ST8SIA5: variants seen among roughly 807,000 people sequenced by gnomAD.
ST8SIA5 encodes the protein alpha-2,8-sialyltransferase 8E.
ST8SIA5 carries 24 observed loss-of-function variants against 40.2 expected under a neutral mutation model. The observed-to-expected ratio is 0.60, with a 90% CI of 0.43 to 0.84. ST8SIA5 has a LOEUF of 0.84. Among genes scored for constraint, ST8SIA5 ranks in the 40% least tolerant of loss-of-function variants. The probability of loss-of-function intolerance (pLI) is 0.00; values close to 1 mark genes in which losing one functional copy is unlikely to be tolerated. For synonymous variants in ST8SIA5, 198 were observed against 201.8 expected (o/e 0.98, Z 0.16); for missense variants, 465 against 498.5 (o/e 0.93, Z 0.64).
At chr18:46,710,538 C>T in intron 1 of ST8SIA5, among the ~76,000 whole-genome samples, 1 of 139,762 alleles carries the variant, frequency 7.2e-6, no homozygotes, top group African/African-American at 2.7e-5. Flanking sequence ...TCCTTTCTTT[C>T]TTTCTCTCTT....
chr18:46,706,011 AT>A, intron 1 of ST8SIA5, among the ~76,000 whole-genome samples: 1 of 152,176 alleles, frequency 6.6e-6, no homozygotes, highest in Non-Finnish European at 1.5e-5. Flanking sequence ...TCTTTTAAAA[AT>A]ATTGGTATTT....
rs1029812542 is a variant in ST8SIA5, at chr18:46,671,104, T to C, written c.*8938A>G. ...GGGTTCGATCCTAGGAAGTGAGTTG[T>C]GTTTTCACCCTGCCTCAGTAAAACA... On this transcript the variant is annotated 3_prime_UTR_variant, in exon 7 of 7. Transcript: ENST00000315087. The C allele has an allele frequency of 6.6e-6, 1 of 152,192 alleles. No individual in the cohort carries two copies. The highest frequency in any genetic ancestry group is 1.5e-5 in the Non-Finnish European group (1 of 68,040). 9.4% of individuals were successfully genotyped at this position (152,192 alleles called of 1,614,324 possible).
chr18:46,743,748 C>T (rs2040110089), intron 1 of ST8SIA5, among the ~76,000 whole-genome samples: 2 of 152,044 alleles, frequency 1.3e-5, no homozygotes, highest in African/African-American at 2.4e-5. Flanking sequence ...AGAGCAACCC[C>T]AAGACACATA....
At chr18:46,703,342 G>T (rs1476349205) in intron 2 of ST8SIA5, among the ~76,000 whole-genome samples, 4 of 152,076 alleles carry the variant, frequency 2.6e-5, no homozygotes, top group African/African-American at 7.2e-5. Context: ...TAGAGATGGG[G>T]TTTCACTGTG....
At chr18:46,755,158 A>T (rs970948396) in intron 1 of ST8SIA5, among the ~76,000 whole-genome samples, 2 of 152,160 alleles carry the variant, frequency 1.3e-5, no homozygotes, top group African/African-American at 4.8e-5. Context: ...GGGGAGTTAC[A>T]AGGAGGGGAA....
In ST8SIA5 at chr18:46,692,853, C is replaced by T. The variant is rs189749768; in HGVS notation, c.225-598G>A. Among the ~76,000 whole-genome samples the T allele has an allele frequency of 2.6e-3, 399 of 150,684 alleles. 3 individuals are homozygous for T. Among genetic ancestry groups the T allele is most frequent in the African/African-American group, 9.5e-3 (390 of 41,022 alleles). On this transcript the variant is annotated intron_variant, in intron 2 of 6. Coordinates refer to ENST00000315087, the MANE Select transcript of ST8SIA5 (RefSeq NM_013305.6). Reference sequence around the variant, plus strand: ...CTCAACCACCTCCTCACTGACAGGCCACCATCCCCTCCCCACCCCCCACCC... The same window carrying T: ...CTCAACCACCTCCTCACTGACAGGCTACCATCCCCTCCCCACCCCCCACCC...
At chr18:46,708,778 G>T (rs1044308310) in intron 1 of ST8SIA5, among the ~76,000 whole-genome samples, 1 of 152,156 alleles carries the variant, frequency 6.6e-6, no homozygotes, top group Non-Finnish European at 1.5e-5. Context: ...CCTCCTTACT[G>T]ATCTGGGTGC....
chr18:46,725,996 T>TCCTGGATATATATATATATCCTGG (rs1168631701), intron 1 of ST8SIA5, among the ~76,000 whole-genome samples: 2 of 66,076 alleles, frequency 3.0e-5, no homozygotes, highest in Non-Finnish European at 5.8e-5. Flanking sequence ...TATATATATA[T>TCCTGGATATATATATATATCCTGG]ATATATATAT....
At chr18:46,750,225 C>T (rs1191058477) in intron 1 of ST8SIA5, among the ~76,000 whole-genome samples, 1 of 152,196 alleles carries the variant, frequency 6.6e-6, no homozygotes, top group African/African-American at 2.4e-5. Context: ...AAAAGATAGA[C>T]TCAGACCAGA....
intron 1 of ST8SIA5, among the ~76,000 whole-genome samples, chr18:46,738,427 G>T (rs2040056085): frequency 6.6e-6 from 1 of 152,058 alleles, no homozygotes; most frequent in Admixed American, 6.6e-5. Context: ...GGCCAGCAAG[G>T]CACCCAGCAC....
At chr18:46,699,465 C>T (rs1341385148) in intron 2 of ST8SIA5, among the ~76,000 whole-genome samples, 4 of 150,560 alleles carry the variant, frequency 2.7e-5, no homozygotes, top group East Asian at 2.0e-4. Flanking sequence ...CTGCAAGCTC[C>T]GCCTGCTGGG....
intron 2 of ST8SIA5, among the ~76,000 whole-genome samples, chr18:46,700,600 A>G (rs2039602882): frequency 6.6e-6 from 1 of 152,186 alleles, no homozygotes; most frequent in African/African-American, 2.4e-5. Flanking sequence ...CCCCAGGAAC[A>G]GCCCAGCCTC....
At chr18:46,717,502 A>G (rs2039804759) in intron 1 of ST8SIA5, among the ~76,000 whole-genome samples, 1 of 151,964 alleles carries the variant, frequency 6.6e-6, no homozygotes, top group Non-Finnish European at 1.5e-5. Flanking sequence ...CGCCTGGCTA[A>G]TTTTGTATTT....
rs147841763 is a variant in ST8SIA5, at chr18:46,726,189, G to A, written c.132-21525C>T. On this transcript the variant is annotated intron_variant, in intron 1 of 6. Coordinates refer to ENST00000315087, the MANE Select transcript of ST8SIA5 (RefSeq NM_013305.6). ...AGCCTGGGTGACTGAGTGAGACTCT[G>A]TCTCAAAAATAATAATTAAATAAAA... Among the ~76,000 whole-genome samples, 320 of 149,106 alleles carry A rather than the reference G, an allele frequency of 2.1e-3. 1 individual carries two copies. Among genetic ancestry groups the A allele is most frequent in the African/African-American group, 7.7e-3 (310 of 40,494 alleles).
At chr18:46,700,653 T>A (rs1175789981) in intron 2 of ST8SIA5, among the ~76,000 whole-genome samples, 2 of 151,908 alleles carry the variant, frequency 1.3e-5, no homozygotes, top group African/African-American at 4.8e-5. Flanking sequence ...CACAGAGAGG[T>A]AACTACTGTA....
chr18:46,673,934 C>T lies in ST8SIA5; in HGVS notation c.*6108G>A, dbSNP rs1190933380. 6.6e-6 allele frequency: 1 copy of T among 152,142 alleles called. No individual in the cohort carries two copies. The highest frequency in any genetic ancestry group is 2.4e-5 in the African/African-American group (1 of 41,446). 9.4% of individuals were successfully genotyped at this position (152,142 alleles called of 1,614,324 possible). A position where few individuals can be genotyped will look rare whatever the true frequency, so the allele number is the denominator to read the frequency against. On this transcript the variant is annotated 3_prime_UTR_variant, in exon 7 of 7. Coordinates refer to ENST00000315087, the MANE Select transcript of ST8SIA5 (RefSeq NM_013305.6). ...CTCTTCCCAGAGGGTGCTCTGGTTACAGGGAGGAGACTAGGTCAGGGCGTG... is the reference window on the plus strand; with the variant it reads ...CTCTTCCCAGAGGGTGCTCTGGTTATAGGGAGGAGACTAGGTCAGGGCGTG...
Position 46,729,198 on chromosome 18 carries a change from C to A in ST8SIA5, c.132-24534G>T, listed in dbSNP as rs952244557. Among the ~76,000 whole-genome samples the A allele has an allele frequency of 2.0e-5, 3 of 152,178 alleles. No homozygotes were observed. In the South Asian group the frequency reaches 6.2e-4, roughly 32 times the overall value. On this transcript the variant is annotated intron_variant, in intron 1 of 6. Coordinates refer to ENST00000315087, the MANE Select transcript of ST8SIA5 (RefSeq NM_013305.6). ...AACTAAGTCAGCACTTACTCTCCAA[C>A]CCCCTACACCTTCTCATCCTGCCTC...
chr18:46,753,445 C>G (rs7229343), intron 1 of ST8SIA5, among the ~76,000 whole-genome samples: 84,884 of 151,688 alleles, frequency 0.56, 24,351 homozygotes, highest in East Asian at 0.69. Context: ...GGTGGCAGGC[C>G]ACTGTAGTCC....
intron 1 of ST8SIA5, among the ~76,000 whole-genome samples, chr18:46,748,555 C>CA (rs71162822): frequency 0.32 from 25,090 of 78,374 alleles, 4,774 homozygotes; most frequent in African/African-American, 0.43. Context: ...AACTTCCTCT[C>CA]AAAAAAAAAA....
Sources: allele counts gnomAD v4.1 joint callset (sites outside exome capture counted in the v4.1 genomes callset), GRCh38; gene constraint gnomAD v4.1.1; transcripts MANE v1.5; gene names NCBI Gene and HGNC (gene_info 2026-07-23, HGNC 2026-07-21).